MAGOHB: variants seen among roughly 807,000 people sequenced by gnomAD.
MAGOHB encodes protein mago nashi homolog 2.
In MAGOHB, 15 loss-of-function variants were observed where a neutral mutation model predicts 20.9. The observed-to-expected ratio is 0.72, with a 90% CI of 0.48 to 1.11. The LOEUF is 1.11. Ranked by LOEUF, MAGOHB falls within the 50% of genes least tolerant of loss-of-function variation. MAGOHB has a pLI of 0.00. For synonymous variants in MAGOHB, 50 were observed against 57.9 expected (o/e 0.86, Z 0.62); for missense variants, 162 against 177.6 (o/e 0.91, Z 0.50).
At chr12:10,606,768 T>TAA (rs564278730) in intron 4 of MAGOHB, among the ~76,000 whole-genome samples, 1 of 146,182 alleles carries the variant, frequency 6.8e-6, no homozygotes. Context: ...CCCACAGCAT[T>TAA]AAAAAAAAAA....
chr12:10,609,283 T>C (rs2120522425), intron 3 of MAGOHB: 1 of 371,514 alleles, frequency 2.7e-6, no homozygotes, highest in African/African-American at 2.1e-5. Flanking sequence ...AAGGAATTTC[T>C]CCAAGAGTTG....
At chr12:10,601,579 T>C (rs947154299), downstream of MAGOHB, among the ~76,000 whole-genome samples, 2 of 152,188 alleles carry the variant, frequency 1.3e-5, no homozygotes, top group Admixed American at 6.5e-5. Context: ...CATAGTAAAA[T>C]AGTGATATTT....
chr12:10,613,269 T>C (rs1421359294), intron 1 of MAGOHB, among the ~76,000 whole-genome samples, 170 bp downstream of exon 1: 1 of 152,246 alleles, frequency 6.6e-6, no homozygotes, highest in Non-Finnish European at 1.5e-5. Context: ...CTTTAATTTA[T>C]TGCAATTAAT....
rs1452955960 is a variant in MAGOHB at position 10,605,668 on chromosome 12, C to T, written c.*607G>A. 1.3e-5 allele frequency: 2 copies of T among 152,106 alleles called. No individual in the cohort carries two copies. The highest frequency in any genetic ancestry group is 3.8e-4 in the East Asian group (2 of 5,196). 9.4% of individuals were successfully genotyped at this position (152,106 alleles called of 1,614,324 possible). A position where few individuals can be genotyped will look rare whatever the true frequency, so the allele number is the denominator to read the frequency against. On this transcript the variant is annotated 3_prime_UTR_variant, in exon 5 of 5. Coordinates refer to ENST00000320756, the MANE Select transcript of MAGOHB (RefSeq NM_018048.5). ...TACATTGTGAAATAAGGAATAAAGA[C>T]ATAATCAAAGATATGCCTAACATGG...
intron 2 of MAGOHB, 141 bp from the exon 3 acceptor site, chr12:10,610,082 A>G: frequency 1.8e-6 from 1 of 556,746 alleles, no homozygotes; most frequent in Non-Finnish European, 3.1e-6. Context: ...AGGAGACAGA[A>G]TCACTTATCC....
At chr12:10,608,751 T>G (rs1215062885) in intron 3 of MAGOHB, 1 of 152,190 alleles carries the variant, frequency 6.6e-6, no homozygotes, top group East Asian at 1.9e-4. Flanking sequence ...CAGACACTAT[T>G]GAAGACAATC....
At chr12:10,607,487 G>A (rs1366599245) in intron 4 of MAGOHB, among the ~76,000 whole-genome samples, 1 of 152,120 alleles carries the variant, frequency 6.6e-6, no homozygotes, top group Non-Finnish European at 1.5e-5. Context: ...TTTTTCCCAA[G>A]TATTGAGCCC....
chr12:10,603,566 C>T (rs1228827205), downstream of MAGOHB, among the ~76,000 whole-genome samples: 2 of 151,816 alleles, frequency 1.3e-5, no homozygotes, highest in African/African-American at 4.8e-5. Flanking sequence ...AAAAAGGATT[C>T]CCGATGGCAA....
intron 1 of MAGOHB, chr12:10,612,647 T>C (rs1357870773): frequency 8.8e-7 from 1 of 1,134,574 alleles, no homozygotes; most frequent in African/African-American, 1.6e-5. Flanking sequence ...TACCTTAAAA[T>C]TTTGTATTTG....
downstream of MAGOHB, chr12:10,604,067 C>T (rs961452499): frequency 6.6e-6 from 1 of 152,156 alleles, no homozygotes; most frequent in Non-Finnish European, 1.5e-5. Flanking sequence ...CAGAGCAAGA[C>T]AGCAACCAAT....
At chr12:10,612,069 G>A (rs1335092488) in intron 1 of MAGOHB, among the ~76,000 whole-genome samples, 1 of 152,018 alleles carries the variant, frequency 6.6e-6, no homozygotes, top group Admixed American at 6.6e-5. Context: ...ATAATTGCAG[G>A]GCTGGCCCGG....
At chr12:10,612,973 T>G in intron 1 of MAGOHB, 1 of 1,286,450 alleles carries the variant, frequency 7.8e-7, no homozygotes, top group South Asian at 1.2e-5. Flanking sequence ...GTACTCTTCA[T>G]GCGTCCTATG....
At chr12:10,603,935 T>C (rs1391126344), downstream of MAGOHB, among the ~76,000 whole-genome samples, 2 of 152,158 alleles carry the variant, frequency 1.3e-5, no homozygotes, top group African/African-American at 4.8e-5. Flanking sequence ...AGTCTAACAA[T>C]AGAATATATA....
At chr12:10,602,662 AAC>A (rs1340416086), downstream of MAGOHB, among the ~76,000 whole-genome samples, 2 of 152,260 alleles carry the variant, frequency 1.3e-5, no homozygotes, top group African/African-American at 4.8e-5. Flanking sequence ...ACATGCACAT[AAC>A]ACACAAATAT....
intron 3 of MAGOHB, chr12:10,609,494 T>A (rs1353959797): frequency 5.3e-6 from 2 of 376,112 alleles, no homozygotes; most frequent in Non-Finnish European, 1.0e-5. Context: ...AGTTATGATT[T>A]GGCAAAAATA....
At chr12:10,611,674 C>T (rs911283813) in intron 1 of MAGOHB, among the ~76,000 whole-genome samples, 1 of 138,792 alleles carries the variant, frequency 7.2e-6, no homozygotes, top group African/African-American at 2.7e-5. Flanking sequence ...CTTCAATCCA[C>T]GAGGCGGAGG....
chr12:10,610,603 A>AAAAAT lies in MAGOHB; in HGVS notation c.153+18_153+19insATTTT. On this transcript the variant is annotated intron_variant, in intron 2 of 4. Coordinates refer to ENST00000320756, the MANE Select transcript of MAGOHB (RefSeq NM_018048.5). ...AAAAAAAAAAAAAAAAAAAAAAAAG[A>AAAAAT]CATTCACATAGAACTTACCTCTTTT... The AAAAAT allele has an allele frequency of 7.4e-7, 1 of 1,351,640 alleles. No individual in the cohort carries two copies. The highest frequency in any genetic ancestry group is 1.6e-5 in the South Asian group (1 of 60,996). 83.7% of individuals were successfully genotyped at this position (1,351,640 alleles called of 1,614,324 possible).
At chr12:10,610,523 C>G in intron 2 of MAGOHB, 99 bp downstream of exon 2, 1 of 1,315,804 alleles carries the variant, frequency 7.6e-7, no homozygotes, top group Non-Finnish European at 1.0e-6. Flanking sequence ...TACAATATAG[C>G]CTTAGATGTA....
chr12:10,603,932 CAATAG>C (rs1865580796), downstream of MAGOHB, among the ~76,000 whole-genome samples: 1 of 152,164 alleles, frequency 6.6e-6, no homozygotes, highest in Non-Finnish European at 1.5e-5. Flanking sequence ...AGTAGTCTAA[CAATAG>C]AATATATAAA....
Sources: gnomAD v4.1 joint callset for allele counts (sites outside exome capture counted in the v4.1 genomes callset) on GRCh38, gnomAD v4.1.1 for gene constraint, MANE v1.5 for transcripts, NCBI Gene and HGNC (gene_info 2026-07-23, HGNC 2026-07-21) for gene names.